Variants in RBFOX1 observed in about 807,000 individuals in gnomAD.
RBFOX1 encodes RNA binding fox-1 homolog 1, also known as RNA binding protein fox-1 homolog 1.
A neutral mutation model predicts 57.7 loss-of-function variants in RBFOX1; 8 were observed. The ratio of observed to expected loss-of-function variants is 0.14; its 90% CI spans 0.08 to 0.25. The LOEUF is 0.25. Among genes scored for constraint, RBFOX1 ranks in the 10% least tolerant of loss-of-function variants. The probability of loss-of-function intolerance (pLI) is 1.00; values close to 1 mark genes in which losing one functional copy is unlikely to be tolerated. For missense variants in RBFOX1, 611 were observed against 548.5 expected (o/e 1.11, Z -1.14); for synonymous variants, 326 against 222.4 (o/e 1.47, Z -4.15).
chr16:6,918,426 C>G (rs949121527), intron 3 of RBFOX1, among the ~76,000 whole-genome samples: 1 of 152,122 alleles, frequency 6.6e-6, no homozygotes, highest in Non-Finnish European at 1.5e-5. Flanking sequence ...TGAACTGTAG[C>G]TATAGGAAGA....
chr16:7,135,025 T>C (rs962905805), intron 4 of RBFOX1, among the ~76,000 whole-genome samples: 4 of 152,086 alleles, frequency 2.6e-5, no homozygotes, highest in Non-Finnish European at 5.9e-5. Context: ...TACAGAGATA[T>C]CATTCTGAGA....
intron 1 of RBFOX1, among the ~76,000 whole-genome samples, chr16:6,190,964 C>G (rs1172119463): frequency 1.3e-5 from 2 of 152,082 alleles, no homozygotes; most frequent in Non-Finnish European, 2.9e-5. Context: ...GGCCGGCAGT[C>G]TAAATCCAGA....
At chr16:6,091,940 C>T (rs1012078932) in intron 1 of RBFOX1, among the ~76,000 whole-genome samples, 1 of 152,208 alleles carries the variant, frequency 6.6e-6, no homozygotes, top group Non-Finnish European at 1.5e-5. Flanking sequence ...TCTACCTCCC[C>T]ATCTATCTGT....
At chr16:6,065,277 C>T (rs947330617) in intron 1 of RBFOX1, among the ~76,000 whole-genome samples, 1 of 151,428 alleles carries the variant, frequency 6.6e-6, no homozygotes, top group Non-Finnish European at 1.5e-5. Flanking sequence ...TCAAGCAATC[C>T]TCCCATCTTG....
intron 3 of RBFOX1, among the ~76,000 whole-genome samples, chr16:5,793,312 C>G (rs573191210): frequency 1.3e-5 from 2 of 152,244 alleles, no homozygotes; most frequent in East Asian, 3.8e-4. Context: ...TCAGCTTAAC[C>G]GTGTTTGTTT....
In RBFOX1 at chr16:6,942,352, G is replaced by A. The variant is rs778880778; in HGVS notation, c.-15-109705G>A. On this transcript the variant is annotated intron_variant, in intron 3 of 15. Transcript: ENST00000550418. ...TCAGCTAATTTTTTGATTTTTTTTT[G>A]TGACATTTTGTTGCCCAGGCTGATC... Among the ~76,000 whole-genome samples the A allele has an allele frequency of 1.5e-3, 226 of 151,960 alleles. 1 individual carries two copies. Among genetic ancestry groups the A allele is most frequent in the Non-Finnish European group, 2.4e-3 (163 of 67,942 alleles).
chr16:6,518,639 C>G (rs891142908), intron 2 of RBFOX1, among the ~76,000 whole-genome samples: 2 of 152,076 alleles, frequency 1.3e-5, no homozygotes, highest in East Asian at 3.9e-4. Context: ...TGACATTGTC[C>G]TAGTGTTTGC....
chr16:6,260,114 T>G (rs898372095), intron 1 of RBFOX1, among the ~76,000 whole-genome samples: 2 of 152,178 alleles, frequency 1.3e-5, no homozygotes, highest in South Asian at 4.2e-4. Flanking sequence ...TGCAGGCTCT[T>G]GATCCTAGAT....
chr16:7,294,646 A>G (rs1321386249), intron 4 of RBFOX1, among the ~76,000 whole-genome samples: 1 of 152,150 alleles, frequency 6.6e-6, no homozygotes, highest in Non-Finnish European at 1.5e-5. Flanking sequence ...GGAAAATTTC[A>G]TATGATAAAA....
intron 4 of RBFOX1, among the ~76,000 whole-genome samples, chr16:5,880,060 C>T (rs2057725278): frequency 6.6e-6 from 1 of 152,168 alleles, no homozygotes; most frequent in East Asian, 1.9e-4. Context: ...TGACAGTGAT[C>T]ACAGCAAGCA....
intron 2 of RBFOX1, among the ~76,000 whole-genome samples, chr16:6,433,628 G>A (rs1463936301): frequency 2.6e-5 from 4 of 152,188 alleles, no homozygotes. Context: ...TCAGATGTCT[G>A]GAAAGAGTTT....
intron 3 of RBFOX1, among the ~76,000 whole-genome samples, chr16:5,755,685 G>A (rs1302581412): frequency 6.6e-6 from 1 of 152,138 alleles, no homozygotes; most frequent in African/African-American, 2.4e-5. Flanking sequence ...TGCAGCCTCC[G>A]CCTACCAGGT....
intron 1 of RBFOX1, among the ~76,000 whole-genome samples, chr16:6,130,856 G>A (rs1399280478): frequency 6.6e-6 from 1 of 152,074 alleles, no homozygotes; most frequent in Non-Finnish European, 1.5e-5. Flanking sequence ...CTAATAAACA[G>A]CTTCAAAATA....
intron 4 of RBFOX1, among the ~76,000 whole-genome samples, chr16:7,438,896 C>A (rs961180783): frequency 6.6e-6 from 1 of 152,114 alleles, no homozygotes; most frequent in Non-Finnish European, 1.5e-5. Flanking sequence ...CTGCATGAAT[C>A]CCCCCCTTCA....
At chr16:6,868,093 T>G (rs532510154) in intron 3 of RBFOX1, among the ~76,000 whole-genome samples, 1 of 152,338 alleles carries the variant, frequency 6.6e-6, no homozygotes, top group African/African-American at 2.4e-5. Context: ...AATTAATATG[T>G]GAAATTTTGA....
chr16:7,141,812 C>T (rs7499861), intron 4 of RBFOX1, among the ~76,000 whole-genome samples: 138,495 of 152,176 alleles, frequency 0.91, 63,220 homozygotes, highest in East Asian at 1. Flanking sequence ...TATTGACGAC[C>T]GCACCAGCCT....
At chr16:6,801,304 G>A (rs551594975) in intron 3 of RBFOX1, among the ~76,000 whole-genome samples, 2 of 152,214 alleles carry the variant, frequency 1.3e-5, no homozygotes, top group East Asian at 3.9e-4. Context: ...ATATAAATGG[G>A]ATCTACAGTT....
intron 2 of RBFOX1, among the ~76,000 whole-genome samples, chr16:6,417,227 G>A (rs1048597829): frequency 1.3e-5 from 2 of 151,838 alleles, no homozygotes; most frequent in South Asian, 2.1e-4. Flanking sequence ...GGCCAGGCTG[G>A]TCTCGAACTC....
chr16:7,257,522 C>T (rs1308274196), intron 4 of RBFOX1, among the ~76,000 whole-genome samples: 2 of 152,148 alleles, frequency 1.3e-5, no homozygotes, highest in Non-Finnish European at 2.9e-5. Flanking sequence ...AGCCGGTAGC[C>T]CATGCTTTAT....
Sources: gnomAD v4.1 joint callset for allele counts (sites outside exome capture counted in the v4.1 genomes callset) on GRCh38, gnomAD v4.1.1 for gene constraint, MANE v1.5 for transcripts, NCBI Gene and HGNC (gene_info 2026-07-23, HGNC 2026-07-21) for gene names.